Variants in SLC35B4 observed in about 807,000 individuals in gnomAD.
SLC35B4 encodes the protein solute carrier family 35 member B4.
In SLC35B4, 28 loss-of-function variants were observed where a neutral mutation model predicts 39.5. The ratio of observed to expected loss-of-function variants is 0.71; its 90% CI spans 0.53 to 0.97. The LOEUF is 0.97. Ranked by LOEUF, SLC35B4 falls within the 50% of genes least tolerant of loss-of-function variation. SLC35B4 has a pLI of 0.00. For missense variants in SLC35B4, 334 were observed against 414.3 expected (o/e 0.81, Z 1.68); for synonymous variants, 145 against 150.4 (o/e 0.96, Z 0.26).
At chr7:134,318,402 A>AC (rs11289014), upstream of SLC35B4, among the ~76,000 whole-genome samples, 72,456 of 151,754 alleles carry the variant, frequency 0.48, 17,547 homozygotes, top group Admixed American at 0.54. Context: ...CTGGCACATT[A>AC]AACAATGAAT....
intron 1 of SLC35B4, among the ~76,000 whole-genome samples, chr7:134,314,823 C>T (rs55800141): frequency 0.038 from 5,724 of 152,278 alleles, 153 homozygotes; most frequent in Non-Finnish European, 0.058. Flanking sequence ...TGTGAGCCAC[C>T]ATGCCTGGCC....
At chr7:134,318,654 G>A (rs992768412), upstream of SLC35B4, among the ~76,000 whole-genome samples, 2 of 152,132 alleles carry the variant, frequency 1.3e-5, no homozygotes, top group Admixed American at 6.5e-5. Context: ...GATTTCATTA[G>A]AGGTGATTTC....
chr7:134,301,456 G>A (rs1208595873), intron 6 of SLC35B4, among the ~76,000 whole-genome samples: 3 of 152,202 alleles, frequency 2.0e-5, no homozygotes, highest in Middle Eastern at 3.2e-3. Context: ...CAGACAGATC[G>A]TGAAGAGACG....
At chr7:134,302,633 A>T (rs1266856394) in intron 4 of SLC35B4, among the ~76,000 whole-genome samples, 1 of 152,166 alleles carries the variant, frequency 6.6e-6, no homozygotes, top group Non-Finnish European at 1.5e-5. Context: ...TTGTTTTAAA[A>T]TGTTGGCATA....
chr7:134,316,850 T>C lies in SLC35B4; in HGVS notation c.-99A>G. The C allele has an allele frequency of 1.6e-6, 2 of 1,255,878 alleles. No individual in the cohort carries two copies. Among genetic ancestry groups the C allele is most frequent in the East Asian group, 2.6e-5 (1 of 39,068 alleles). The allele number at this position is 1,255,878 out of a possible 1,614,324, so 77.8% of individuals were successfully genotyped here. A position where few individuals can be genotyped will look rare whatever the true frequency, so the allele number is the denominator to read the frequency against. On this transcript the variant is annotated 5_prime_UTR_variant, in exon 1 of 10. The change abolishes an upstream ATG in the 5' untranslated region. Coordinates refer to ENST00000378509, the MANE Select transcript of SLC35B4 (RefSeq NM_032826.5). ...TCCTGCCTCTTCGCTGCGCAGCACA[T>C]CGCACCGTCCTGGAAAGCCGCTCTC...
intron 1 of SLC35B4, among the ~76,000 whole-genome samples, chr7:134,313,345 C>T (rs1377932742): frequency 6.6e-6 from 1 of 152,206 alleles, no homozygotes; most frequent in Non-Finnish European, 1.5e-5. Flanking sequence ...ATGCCGTTTG[C>T]ATTTCTTTTG....
intron 1 of SLC35B4, among the ~76,000 whole-genome samples, chr7:134,311,680 A>C (rs1056982430): frequency 6.6e-6 from 1 of 152,116 alleles, no homozygotes; most frequent in African/African-American, 2.4e-5. Context: ...ACAACAAAAA[A>C]ACCTATTTAC....
Position 134,298,152 on chromosome 7 carries a change from C to T in SLC35B4, c.673+1371G>A, listed in dbSNP as rs139825685. The stretch of plus-strand genomic sequence containing the variant: ...TCATATATACATACACACGCATACA[C>T]ATAAAGACTAATTTTTGAAACTTAG... On this transcript the variant is annotated intron_variant, in intron 8 of 9. Transcript: ENST00000378509. 3.9e-5 allele frequency among the ~76,000 whole-genome samples: 6 copies of T among 152,272 alleles called. No individual in the cohort carries two copies. In the East Asian group the frequency reaches 1.2e-3, roughly 29 times the overall value.
intron 1 of SLC35B4, 137 bp from the exon 2 acceptor site, chr7:134,309,616 A>C: frequency 1.5e-6 from 1 of 656,308 alleles, no homozygotes; most frequent in East Asian, 2.7e-5. Flanking sequence ...CTCAATGTTC[A>C]TAGCCTTTGG....
At chr7:134,304,984 A>G in intron 3 of SLC35B4, 130 bp from the exon 4 acceptor site, 6 of 705,988 alleles carry the variant, frequency 8.5e-6, no homozygotes, top group South Asian at 7.0e-5. Context: ...ATAATTAGTA[A>G]AGATTTAGTT....
At chr7:134,309,542 T>C (rs1225498690) in intron 1 of SLC35B4, 63 bp from the exon 2 acceptor site, 2 of 1,070,326 alleles carry the variant, frequency 1.9e-6, no homozygotes, top group Non-Finnish European at 2.8e-6. Flanking sequence ...AACACTAAAA[T>C]GCATTCTAAT....
chr7:134,298,239 G>A (rs1239484523), intron 8 of SLC35B4, among the ~76,000 whole-genome samples: 1 of 152,168 alleles, frequency 6.6e-6, no homozygotes. Flanking sequence ...TCCTTAGCAA[G>A]TATTGAAATG....
At position 134,314,179 on chromosome 7, in the gene SLC35B4, C is replaced by A. The variant is rs374349178; in HGVS notation, c.77+2496G>T. Among the ~76,000 whole-genome samples, 9 of 152,156 alleles carry A rather than the reference C, an allele frequency of 5.9e-5. 1 individual carries two copies. In the East Asian group the frequency reaches 1.7e-3, roughly 29 times the overall value. ...ATATATAAAAAAGAAATATATCTTT[C>A]TTTTATATATTAAAGAAATATATCT... On this transcript the variant is annotated intron_variant, in intron 1 of 9. Coordinates refer to ENST00000378509, the MANE Select transcript of SLC35B4 (RefSeq NM_032826.5).
intron 1 of SLC35B4, among the ~76,000 whole-genome samples, chr7:134,314,874 C>T (rs1660336981): frequency 6.6e-6 from 1 of 151,618 alleles, no homozygotes; most frequent in Non-Finnish European, 1.5e-5. Flanking sequence ...CCAAAGTGGC[C>T]TTCCTTTAAA....
upstream of SLC35B4, chr7:134,316,972 G>A: frequency 1.8e-6 from 1 of 563,882 alleles, no homozygotes; most frequent in South Asian, 2.1e-5. Context: ...TTCATCCGAG[G>A]GGGCGTCCGA....
Position 134,292,770 on chromosome 7 carries a change from C to T in SLC35B4, c.*2063G>A, listed in dbSNP as rs533580275. Reference sequence around the variant, plus strand: ...GCACCGTCAATTCTGAGGAACTCTACATATTTCAAAGCAAGTGGCTTTTGA... The same window carrying T: ...GCACCGTCAATTCTGAGGAACTCTATATATTTCAAAGCAAGTGGCTTTTGA... On this transcript the variant is annotated 3_prime_UTR_variant, in exon 10 of 10. Transcript: ENST00000378509. 5.3e-5 allele frequency: 8 copies of T among 152,298 alleles called. No individual in the cohort carries two copies. Among genetic ancestry groups the T allele is most frequent in the Admixed American group, 4.6e-4 (7 of 15,298 alleles). The allele number at this position is 152,298 out of a possible 1,614,324, so 9.4% of individuals were successfully genotyped here.
At position 134,291,917 on chromosome 7, in the gene SLC35B4, TA is replaced by T. The variant is rs751699548; in HGVS notation, c.*2915del. ...AATTCAAATATCCACCATCTTCAGT[TA>T]CCTTATCTGTTACACTGTCAAGTTG... On this transcript the variant is annotated 3_prime_UTR_variant, in exon 10 of 10. Transcript: ENST00000378509. The T allele has an allele frequency of 5.3e-5, 8 of 152,296 alleles. No homozygotes were observed. The highest frequency in any genetic ancestry group is 7.3e-5 in the Non-Finnish European group (5 of 68,074). The allele number at this position is 152,296 out of a possible 1,614,324, so 9.4% of individuals were successfully genotyped here.
chr7:134,291,662 C>T lies in SLC35B4; in HGVS notation c.*3171G>A, dbSNP rs1044426973. ...CAAATCAAAATACTGCAGCGTTTCA[C>T]TGTGGTTAACAGGATGGAAAGGAGG... On this transcript the variant is annotated 3_prime_UTR_variant, in exon 10 of 10. Transcript: ENST00000378509. 2 of 152,116 alleles carry T rather than the reference C, an allele frequency of 1.3e-5. No homozygotes were observed. The highest frequency in any genetic ancestry group is 4.8e-5 in the African/African-American group (2 of 41,416). The allele number at this position is 152,116 out of a possible 1,614,324, so 9.4% of individuals were successfully genotyped here. A position where few individuals can be genotyped will look rare whatever the true frequency, so the allele number is the denominator to read the frequency against.
At chr7:134,310,916 T>C (rs966480789) in intron 1 of SLC35B4, among the ~76,000 whole-genome samples, 2 of 152,344 alleles carry the variant, frequency 1.3e-5, no homozygotes, top group Middle Eastern at 6.8e-3. Context: ...TATTATTACA[T>C]ATTAATATAC....
Sources: gnomAD v4.1 joint callset for allele counts (sites outside exome capture counted in the v4.1 genomes callset) on GRCh38, gnomAD v4.1.1 for gene constraint, MANE v1.5 for transcripts, NCBI Gene and HGNC (gene_info 2026-07-23, HGNC 2026-07-21) for gene names.